Variants in BTK observed in about 807,000 individuals in gnomAD.
BTK encodes Bruton tyrosine kinase, also known as tyrosine-protein kinase BTK.
Under a neutral mutation model 57.4 loss-of-function variants are expected in BTK, and 5 were observed. The ratio of observed to expected loss-of-function variants is 0.09; its 90% confidence interval spans 0.05 to 0.18. The LOEUF (loss-of-function observed/expected upper bound fraction) is 0.18. BTK is among the 10% of genes least tolerant of loss of function. BTK has a pLI of 1.00. For synonymous variants in BTK, 154 were observed against 174.3 expected (o/e 0.88, Z 0.92); for missense variants, 194 against 501.2 (o/e 0.39, Z 5.85).
At position 101,372,567 on chromosome X, in the gene BTK, G is replaced by T. The variant is rs373167453; in HGVS notation, c.241-866C>A. On this transcript the variant is annotated intron_variant, in intron 3 of 18. Coordinates refer to ENST00000308731, the MANE Select transcript of BTK (RefSeq NM_000061.3). ...GGGTTCAAGGGAGTCTCCTGCCTCA[G>T]CCTCCCGAGTAGCTGGGATTACAGG... Among the ~76,000 whole-genome samples, 142 of 108,793 alleles carry T rather than the reference G, an allele frequency of 1.3e-3. 1 individual carries two copies. Among genetic ancestry groups the T allele is most frequent in the African/African-American group, 4.4e-3 (133 of 30,009 alleles). The allele number at this position is 108,793 out of a possible 115,157, so 94.5% of individuals were successfully genotyped here.
In BTK at chrX:101,356,882, C is replaced by T. The variant is rs1555977922; in HGVS notation, c.1251G>A (p.Lys417=). ...ELGTGQFGVV[K]YGKWRGQYDV... is the part of the protein sequence containing the mutation. ...CGTACTGGCCTCTCCATTTCCCATA[C>T]TTCACTACCCCAAATTGTCCAGTCC... Residue 417 remains lysine, a synonymous_variant, in exon 14 of 19, where the codon AAG becomes AAA. Coordinates refer to ENST00000308731, the MANE Select transcript of BTK (RefSeq NM_000061.3). 2.5e-6 allele frequency: 3 copies of T among 1,211,818 alleles called. No homozygotes were observed. Among genetic ancestry groups the T allele is most frequent in the Non-Finnish European group, 3.4e-6 (3 of 895,435 alleles).
At chrX:101,380,653 G>A (rs1209807971) in intron 1 of BTK, among the ~76,000 whole-genome samples, 1 of 110,591 alleles carries the variant, frequency 9.0e-6, no homozygotes, top group African/African-American at 3.3e-5. Flanking sequence ...TCCTAGGTAT[G>A]TTTTCATATT....
intron 1 of BTK, among the ~76,000 whole-genome samples, chrX:101,378,976 C>T (rs1555981422): frequency 9.1e-6 from 1 of 109,643 alleles, no homozygotes; most frequent in Non-Finnish European, 1.9e-5. Context: ...GAGTTAGAGA[C>T]CAGCCTGGCC....
At chrX:101,379,096 C>T (rs782747697) in intron 1 of BTK, among the ~76,000 whole-genome samples, 1 of 107,588 alleles carries the variant, frequency 9.3e-6, no homozygotes, top group African/African-American at 3.4e-5. Context: ...ATCGCTTGAA[C>T]TCGGGAGGCG....
chrX:101,372,150 A>C (rs1555980413), intron 3 of BTK, among the ~76,000 whole-genome samples: 2 of 112,345 alleles, frequency 1.8e-5, no homozygotes, highest in Non-Finnish European at 3.8e-5. Context: ...TGAAACTTAG[A>C]ACTATTAAGA....
intron 4 of BTK, among the ~76,000 whole-genome samples, chrX:101,371,383 CTA>C (rs1468108989): frequency 1.8e-5 from 2 of 112,260 alleles, no homozygotes; most frequent in South Asian, 3.7e-4. Flanking sequence ...ACAAGACACA[CTA>C]TGATAGAATT....
At chrX:101,355,185 G>T (rs1555977688) in intron 15 of BTK, among the ~76,000 whole-genome samples, 1 of 112,358 alleles carries the variant, frequency 8.9e-6, no homozygotes, top group Non-Finnish European at 1.9e-5. Context: ...GCTGAGGCAG[G>T]AGAATTGCTT....
At chrX:101,360,021 A>T (rs915281645) in intron 9 of BTK, 67 bp downstream of exon 9, 24 of 270,054 alleles carry the variant, frequency 8.9e-5, no homozygotes, top group Admixed American at 2.5e-4. Flanking sequence ...TAAATAAATA[A>T]ATATATATAT....
At chrX:101,386,773 G>A (rs782735739), upstream of BTK, among the ~76,000 whole-genome samples, 1 of 112,051 alleles carries the variant, frequency 8.9e-6, no homozygotes, top group Non-Finnish European at 1.9e-5. Context: ...TAAGCCCACA[G>A]AAATACTTGT....
In BTK at chrX:101,349,671, G is replaced by T; in HGVS notation, c.*214C>A. ...ATTCAGTCTGTCTTAATTCTCTCGG[G>T]AAATTTCAGGCACAATAATTTCTTG... On this transcript the variant is annotated 3_prime_UTR_variant, in exon 19 of 19. Coordinates refer to ENST00000308731, the MANE Select transcript of BTK (RefSeq NM_000061.3). 1 of 430,490 alleles carries T rather than the reference G, an allele frequency of 2.3e-6. No individual in the cohort carries two copies. The highest frequency in any genetic ancestry group is 4.1e-6 in the Non-Finnish European group (1 of 244,995). 35.5% of individuals were successfully genotyped at this position (430,490 alleles called of 1,213,427 possible).
chrX:101,386,995 G>T (rs1927629045), upstream of BTK, among the ~76,000 whole-genome samples: 1 of 111,416 alleles, frequency 9.0e-6, no homozygotes, highest in Non-Finnish European at 1.9e-5. Flanking sequence ...AATGCAGCCA[G>T]TATTGAATGC....
At chrX:101,363,166 T>C (rs1181448765) in intron 5 of BTK, among the ~76,000 whole-genome samples, 1 of 111,386 alleles carries the variant, frequency 9.0e-6, no homozygotes, top group Admixed American at 9.6e-5. Flanking sequence ...TATAGAATAG[T>C]CAACAGAGCT....
intron 1 of BTK, among the ~76,000 whole-genome samples, chrX:101,379,804 G>A (rs1927352167): frequency 8.9e-6 from 1 of 112,024 alleles, no homozygotes; most frequent in African/African-American, 3.2e-5. Flanking sequence ...AAGATCCTAA[G>A]CTCTTTCCTC....
intron 8 of BTK, 100 bp from the exon 9 acceptor site, chrX:101,360,250 G>T: frequency 1.6e-6 from 1 of 623,785 alleles, no homozygotes; most frequent in Non-Finnish European, 2.7e-6. Flanking sequence ...AATCTCAAAT[G>T]GAGGTATATG....
intron 1 of BTK, among the ~76,000 whole-genome samples, chrX:101,375,689 G>C (rs1396990424): frequency 1.8e-5 from 2 of 112,668 alleles, no homozygotes; most frequent in African/African-American, 3.2e-5. Flanking sequence ...CTGTGCAGCT[G>C]TTGATCTTGA....
intron 4 of BTK, among the ~76,000 whole-genome samples, chrX:101,370,617 A>G (rs1157380180): frequency 1.8e-5 from 2 of 111,871 alleles, no homozygotes; most frequent in Non-Finnish European, 3.8e-5. Flanking sequence ...TTGGAACTAC[A>G]AACCTACTTC....
rs146681416 is a variant in BTK at position 101,353,919 on chromosome X, T to C, written c.1701A>G (p.Glu567=). The C allele has an allele frequency of 1.2e-4, 145 of 1,210,437 alleles. No homozygotes were observed. The highest frequency in any genetic ancestry group is 7.3e-4 in the African/African-American group (42 of 57,446). ...SKFPVRWSPP[E]VLMYSKFSSK... Reference sequence around the variant, plus strand: ...TGCTGAACTTGCTATACATCAGGACTTCCGGTGGGGACCACCGGACTGGAA... The same window carrying C: ...TGCTGAACTTGCTATACATCAGGACCTCCGGTGGGGACCACCGGACTGGAA... Residue 567 remains glutamate, a synonymous_variant, in exon 17 of 19, where the codon GAA becomes GAG. Coordinates refer to ENST00000308731, the MANE Select transcript of BTK (RefSeq NM_000061.3).
intron 5 of BTK, among the ~76,000 whole-genome samples, chrX:101,369,624 GAGAT>G (rs1272006330): frequency 8.9e-6 from 1 of 111,766 alleles, no homozygotes; most frequent in Non-Finnish European, 1.9e-5. Flanking sequence ...TTGCACTAGA[GAGAT>G]AGTGATAGAA....
intron 1 of BTK, among the ~76,000 whole-genome samples, chrX:101,377,555 A>G (rs910223388): frequency 9.0e-6 from 1 of 111,397 alleles, no homozygotes; most frequent in Non-Finnish European, 1.9e-5. Context: ...CTTGGTGGAT[A>G]CATTCCCTGC....
Sources: gnomAD v4.1 joint callset for allele counts (sites outside exome capture counted in the v4.1 genomes callset) on GRCh38, gnomAD v4.1.1 for gene constraint, MANE v1.5 for transcripts, NCBI Gene and HGNC (gene_info 2026-07-23, HGNC 2026-07-21) for gene names.